TOPAZ1: variants seen among roughly 807,000 people sequenced by gnomAD.
TOPAZ1 encodes testis and ovary specific TOPAZ 1, also known as protein TOPAZ1.
A neutral mutation model predicts 172.2 loss-of-function variants in TOPAZ1; 66 were observed. The observed-to-expected ratio is 0.38, with a 90% CI of 0.31 to 0.47. The LOEUF (loss-of-function observed/expected upper bound fraction) is 0.47, where lower values mean the gene tolerates loss of function less well. Ranked by LOEUF, TOPAZ1 falls within the 20% of genes least tolerant of loss-of-function variation. The pLI, the probability that TOPAZ1 is intolerant of heterozygous loss-of-function variation, is 0.99. For synonymous variants in TOPAZ1, 681 were observed against 683.9 expected (o/e 1.00, Z 0.07); for missense variants, 1,822 against 1,972.4 (o/e 0.92, Z 1.44).
intron 12 of TOPAZ1, among the ~76,000 whole-genome samples, chr3:44,303,111 G>A (rs1559543498): frequency 6.6e-6 from 1 of 152,122 alleles, no homozygotes; most frequent in Non-Finnish European, 1.5e-5. Flanking sequence ...GAAATTTCTG[G>A]TGTGAGCCAC....
intron 16 of TOPAZ1, among the ~76,000 whole-genome samples, chr3:44,314,163 G>A (rs369026103): frequency 4.6e-4 from 70 of 152,118 alleles, no homozygotes; most frequent in Admixed American, 1.8e-3. Flanking sequence ...TCCTGACCTC[G>A]TGATCTGCCC....
At position 44,320,975 on chromosome 3, in the gene TOPAZ1, T is replaced by A. The variant is rs999483446; in HGVS notation, c.4307-52T>A. ...TGAAACATTAGTTGTGATTATACTG[T>A]TAAGTGTCATTTTCATGGTATAAAC... On this transcript the variant is annotated intron_variant, in intron 16 of 19. Coordinates refer to ENST00000309765, the MANE Select transcript of TOPAZ1 (RefSeq NM_001145030.2). 4 of 1,189,026 alleles carry A rather than the reference T, an allele frequency of 3.4e-6. No individual in the cohort carries two copies. The East Asian group carries it at 1.0e-4, about 31-fold the overall frequency. 73.7% of individuals were successfully genotyped at this position (1,189,026 alleles called of 1,614,324 possible).
At chr3:44,256,924 T>A (rs1346081744) in intron 4 of TOPAZ1, among the ~76,000 whole-genome samples, 1 of 152,178 alleles carries the variant, frequency 6.6e-6, no homozygotes, top group Non-Finnish European at 1.5e-5. Flanking sequence ...TATATATGGC[T>A]GGCTGTAAAT....
intron 11 of TOPAZ1, among the ~76,000 whole-genome samples, chr3:44,288,180 A>C (rs1320103644): frequency 6.6e-6 from 1 of 152,188 alleles, no homozygotes; most frequent in African/African-American, 2.4e-5. Flanking sequence ...AAGACTTACA[A>C]AAATATAAAA....
intron 17 of TOPAZ1, 73 bp downstream of exon 17, chr3:44,321,264 T>A: frequency 9.3e-7 from 1 of 1,071,792 alleles, no homozygotes; most frequent in Non-Finnish European, 1.3e-6. Flanking sequence ...GAAATAGTTA[T>A]CCACCTGTTT....
chr3:44,244,273 A>T lies in TOPAZ1; in HGVS notation c.1767A>T (p.Ile589=), dbSNP rs1246699464. The part of the protein sequence containing the change: ...EPTLMVIKEP[I]IKDDKKIKSE... ...CTTTAATGGTTATAAAGGAACCTAT[A>T]ATCAAGGATGATAAAAAGATAAAAT... The change falls in exon 2 of 20, where the codon ATA becomes ATT. Residue 589 remains isoleucine (I), a synonymous_variant. Transcript: ENST00000309765. The T allele has an allele frequency of 1.3e-6, 2 of 1,550,124 alleles. No homozygotes were observed. The highest frequency in any genetic ancestry group is 2.0e-5 in the Admixed American group (1 of 50,738).
chr3:44,333,420 C>T (rs1038928866), downstream of TOPAZ1, among the ~76,000 whole-genome samples: 25 of 152,154 alleles, frequency 1.6e-4, no homozygotes, highest in African/African-American at 5.3e-4. Context: ...CATTTTGAGG[C>T]ACCTTTGAAA....
At chr3:44,304,261 C>G (rs760168131) in intron 13 of TOPAZ1, among the ~76,000 whole-genome samples, 180 bp downstream of exon 13, 1 of 152,054 alleles carries the variant, frequency 6.6e-6, no homozygotes, top group African/African-American at 2.4e-5. Context: ...GAAAGGCAAA[C>G]GTTTTAATTT....
chr3:44,334,643 A>G (rs1273550354), downstream of TOPAZ1, among the ~76,000 whole-genome samples: 2 of 152,228 alleles, frequency 1.3e-5, no homozygotes, highest in Admixed American at 6.5e-5. Context: ...ATAAAGGTCC[A>G]AGGAATGGGA....
chr3:44,247,759 C>G (rs942254312), intron 2 of TOPAZ1, among the ~76,000 whole-genome samples: 19 of 152,216 alleles, frequency 1.2e-4, no homozygotes, highest in African/African-American at 4.3e-4. Flanking sequence ...AAGCAATTCT[C>G]CTGCCCTGGC....
chr3:44,280,589 C>T (rs903655837), intron 8 of TOPAZ1, among the ~76,000 whole-genome samples: 4 of 152,184 alleles, frequency 2.6e-5, no homozygotes, highest in African/African-American at 9.7e-5. Flanking sequence ...CTCAAGCAAT[C>T]CACCCGCCTT....
Position 44,243,553 on chromosome 3 carries a change from C to T in TOPAZ1, c.1047C>T (p.Phe349=), listed in dbSNP as rs1436559649. ...KADETVTEMN[F]SNEYNKSELM... ...ATGAAACAGTTACTGAGATGAACTT[C>T]TCTAATGAGTATAACAAGTCTGAGT... is the stretch of plus-strand genomic sequence containing the variant. The change falls in exon 2 of 20, where the codon TTC becomes TTT. Residue 349 remains phenylalanine, a synonymous_variant. Coordinates refer to ENST00000309765, the MANE Select transcript of TOPAZ1 (RefSeq NM_001145030.2). 6.4e-7 allele frequency: 1 copy of T among 1,551,314 alleles called. No individual in the cohort carries two copies.
chr3:44,297,395 G>A (rs1339094012), intron 12 of TOPAZ1, among the ~76,000 whole-genome samples: 1 of 152,004 alleles, frequency 6.6e-6, no homozygotes, highest in East Asian at 1.9e-4. Flanking sequence ...AAAACCACAT[G>A]ATTATTCAAT....
chr3:44,282,251 G>A (rs539935685), intron 9 of TOPAZ1, among the ~76,000 whole-genome samples: 2 of 152,296 alleles, frequency 1.3e-5, no homozygotes, highest in East Asian at 3.9e-4. Context: ...ATGTTTTCAT[G>A]ACTTACAAAT....
At chr3:44,293,217 A>G (rs755401023) in intron 12 of TOPAZ1, among the ~76,000 whole-genome samples, 1 of 152,234 alleles carries the variant, frequency 6.6e-6, no homozygotes, top group Non-Finnish European at 1.5e-5. Flanking sequence ...AGTACATAAC[A>G]TTTGATAATG....
In TOPAZ1 at chr3:44,331,867, A is replaced by G; in HGVS notation, c.4935A>G (p.Ile1645Met). ...AVERLIMAAR[I>M]SDPKLFVKHM... ...AAAGGTTAATTATGGCTGCTCGTAT[A>G]TCAGATCCAAAGCTTTTCGTTAAAC... The change falls in exon 20 of 20, where the codon ATA becomes ATG. Residue 1645 changes from isoleucine to methionine, a missense_variant. Transcript: ENST00000309765. 3.2e-6 allele frequency: 5 copies of G among 1,551,950 alleles called. No homozygotes were observed. Among genetic ancestry groups the G allele is most frequent in the Non-Finnish European group, 4.4e-6 (5 of 1,147,026 alleles).
chr3:44,251,420 C>G (rs573234744), intron 2 of TOPAZ1, among the ~76,000 whole-genome samples: 20 of 152,218 alleles, frequency 1.3e-4, no homozygotes, highest in Non-Finnish European at 2.9e-4. Context: ...CTATGCTAAG[C>G]CCTAAACTTT....
At chr3:44,249,190 G>A (rs987436884) in intron 2 of TOPAZ1, among the ~76,000 whole-genome samples, 3 of 151,130 alleles carry the variant, frequency 2.0e-5, no homozygotes, top group African/African-American at 4.9e-5. Flanking sequence ...GTGGATTGTT[G>A]AGATTTTAAG....
downstream of TOPAZ1, among the ~76,000 whole-genome samples, chr3:44,333,222 T>G (rs565582276): frequency 5.9e-5 from 9 of 152,154 alleles, no homozygotes; most frequent in Non-Finnish European, 1.0e-4. Context: ...GGTTAAATCC[T>G]AGCTCTTGCC....
Sources: allele counts gnomAD v4.1 joint callset (sites outside exome capture counted in the v4.1 genomes callset), GRCh38; gene constraint gnomAD v4.1.1; transcripts MANE v1.5; gene names NCBI Gene and HGNC (gene_info 2026-07-23, HGNC 2026-07-21).